AASDH: variants seen among roughly 807,000 people sequenced by gnomAD.
The protein encoded by AASDH is aminoadipate-semialdehyde dehydrogenase, also known as beta-alanine-activating enzyme.
AASDH carries 81 observed loss-of-function variants against 102.3 expected under a neutral mutation model. That is an observed-to-expected ratio of 0.79 (90% CI 0.66 to 0.95). The LOEUF is 0.95. Ranked by LOEUF, AASDH falls within the 40% of genes least tolerant of loss-of-function variation. The pLI is 0.00. For missense variants in AASDH, 1,203 were observed against 1,266.2 expected, an observed-to-expected ratio of 0.95 and a Z score of 0.76; for synonymous variants, 398 against 454.0, an observed-to-expected ratio of 0.88 and a Z score of 1.57.
At position 56,377,596 on chromosome 4, in the gene AASDH, C is replaced by T. The variant is rs559304821; in HGVS notation, c.668+552G>A. Among the ~76,000 whole-genome samples, 33 of 152,268 alleles carry T rather than the reference C, an allele frequency of 2.2e-4. 1 individual carries two copies. Among genetic ancestry groups the T allele is most frequent in the African/African-American group, 7.9e-4 (33 of 41,546 alleles). ...TCCCTTTTTATTAATAATTAAGATG[C>T]AAAGCTTCTAATCATATCATTTGTT... On this transcript the variant is annotated intron_variant, in intron 4 of 14. Transcript: ENST00000205214.
rs776967660 is a variant in AASDH at position 56,371,643 on chromosome 4, C to T, written c.669G>A (p.Arg223=). The change falls in exon 5 of 15, where the codon CGG becomes CGA. Residue 223 remains arginine, a splice_region_variant and synonymous_variant. Coordinates refer to ENST00000205214, the MANE Select transcript of AASDH (RefSeq NM_181806.4). ...KCIVPNIQHF[R]VLFDITQEDV... is the part of the protein sequence containing the mutation. ...CTTCTTGTGTGATGTCAAAAAGTAC[C>T]CTAAGGCAAAACAGAATGCAGTTAT... 6.3e-7 allele frequency: 1 copy of T among 1,599,532 alleles called. No homozygotes were observed. Among genetic ancestry groups the T allele is most frequent in the South Asian group, 1.1e-5 (1 of 87,810 alleles).
chr4:56,365,854 A>C (rs1429016647), intron 5 of AASDH, among the ~76,000 whole-genome samples: 1 of 152,234 alleles, frequency 6.6e-6, no homozygotes, highest in African/African-American at 2.4e-5. Flanking sequence ...GCAGAAGGCA[A>C]GAAATAACTA....
intron 5 of AASDH, among the ~76,000 whole-genome samples, chr4:56,358,197 A>G (rs1007281074): frequency 6.6e-6 from 1 of 151,962 alleles, no homozygotes; most frequent in African/African-American, 2.4e-5. Flanking sequence ...TTGATCTTCT[A>G]TCCTCCAACC....
chr4:56,373,384 C>G (rs1751968965), intron 4 of AASDH, among the ~76,000 whole-genome samples: 1 of 152,064 alleles, frequency 6.6e-6, no homozygotes, highest in South Asian at 2.1e-4. Context: ...CTCAAATGAT[C>G]CACCCACCTC....
intron 12 of AASDH, among the ~76,000 whole-genome samples, chr4:56,344,143 G>A (rs2109851637): frequency 6.6e-6 from 1 of 152,144 alleles, no homozygotes; most frequent in African/African-American, 2.4e-5. Flanking sequence ...AAACAACTTA[G>A]AAATAGGCAT....
At chr4:56,357,375 AT>A in intron 5 of AASDH, among the ~76,000 whole-genome samples, 1 of 152,276 alleles carries the variant, frequency 6.6e-6, no homozygotes, top group Non-Finnish European at 1.5e-5. Context: ...AATCTCATTC[AT>A]GAGGTTCCCA....
At chr4:56,360,140 T>C (rs1750127100) in intron 5 of AASDH, among the ~76,000 whole-genome samples, 1 of 152,212 alleles carries the variant, frequency 6.6e-6, no homozygotes, top group South Asian at 2.1e-4. Context: ...GTTCAGGTCA[T>C]TTTCAAGCCT....
intron 5 of AASDH, among the ~76,000 whole-genome samples, chr4:56,370,632 A>G (rs1751580662): frequency 6.6e-6 from 1 of 152,122 alleles, no homozygotes; most frequent in Non-Finnish European, 1.5e-5. Flanking sequence ...TCTCCTGATG[A>G]CTTAATCTTG....
At chr4:56,382,685 T>C (rs1316156635) in intron 2 of AASDH, 88 bp from the exon 3 acceptor site, 40 of 1,457,184 alleles carry the variant, frequency 2.7e-5, no homozygotes, top group Non-Finnish European at 3.5e-5. Context: ...ACTTTATTTA[T>C]TTTTTGTAGC....
In AASDH at chr4:56,384,128, T is replaced by C. The variant is rs1308695209; in HGVS notation, c.172A>G (p.Ile58Val). ...TGGCAGTAGAGACCAATTTCCCGAA[T>C]TCCTTGAAAGTCACAGTGTAACAGC... ...FLLLHCDFQGIREIGLYCQPG... is the reference protein window; with the variant it reads ...FLLLHCDFQGVREIGLYCQPG... Residue 58 changes from isoleucine (I) to valine (V), a missense_variant, in exon 2 of 15, where the codon ATT becomes GTT. Physicochemically the swap from Ile to Val is conservative, Grantham distance 29. Transcript: ENST00000205214. The C allele has an allele frequency of 6.2e-7, 1 of 1,614,046 alleles. No homozygotes were observed. Among genetic ancestry groups the C allele is most frequent in the Non-Finnish European group, 8.5e-7 (1 of 1,180,020 alleles).
At position 56,342,984 on chromosome 4, in the gene AASDH, A is replaced by G. The variant is rs1560563815; in HGVS notation, c.2776-18T>C. 6.4e-7 allele frequency: 1 copy of G among 1,554,774 alleles called. No homozygotes were observed. ...CCAGTAGCCTGTCACAGGAAAAAGCAATTCACAGCATTTTATGTCATCCTA... is the reference window on the plus strand; with the variant it reads ...CCAGTAGCCTGTCACAGGAAAAAGCGATTCACAGCATTTTATGTCATCCTA... On this transcript the variant is annotated intron_variant, in intron 13 of 14. Transcript: ENST00000205214.
chr4:56,367,064 T>G (rs1348584724), intron 5 of AASDH, among the ~76,000 whole-genome samples: 3 of 151,926 alleles, frequency 2.0e-5, no homozygotes, highest in African/African-American at 7.2e-5. Flanking sequence ...ACAAGCATTC[T>G]TATACACCAA....
intron 5 of AASDH, among the ~76,000 whole-genome samples, chr4:56,362,259 T>TTTTG (rs1553929850): frequency 2.6e-5 from 4 of 152,068 alleles, no homozygotes; most frequent in African/African-American, 7.2e-5. Flanking sequence ...ACAGCTTTTT[T>TTTTG]TTTCTTTGTT....
chr4:56,344,581 C>G (rs1748102671), intron 12 of AASDH, among the ~76,000 whole-genome samples: 1 of 151,758 alleles, frequency 6.6e-6, no homozygotes. Context: ...AAAAATTTTC[C>G]CAGCTTAATT....
At chr4:56,381,646 T>TTCTC (rs34032296) in intron 3 of AASDH, 3 of 52,370 alleles carry the variant, frequency 5.7e-5, no homozygotes, top group African/African-American at 1.9e-4. Flanking sequence ...TTCTTGACAC[T>TTCTC]TCTCACACAC....
At chr4:56,377,023 C>T (rs1270958158) in intron 4 of AASDH, among the ~76,000 whole-genome samples, 1 of 149,358 alleles carries the variant, frequency 6.7e-6, no homozygotes, top group African/African-American at 2.4e-5. Context: ...GCCGAGATCC[C>T]GCCACTGCAC....
Position 56,355,368 on chromosome 4 carries a change from A to G in AASDH, c.917T>C (p.Leu306Ser), listed in dbSNP as rs751775448. The part of the protein sequence containing the change: ...FGSQLIKSTV[L>S]SATTSLRVLA... ...TACTCGAAGAGAAGTAGTGGCTGACAAAACAGTTGACTTGATAAGCTGAGA... is the reference window on the plus strand; with the variant it reads ...TACTCGAAGAGAAGTAGTGGCTGACGAAACAGTTGACTTGATAAGCTGAGA... Residue 306 changes from leucine to serine, a missense_variant, in exon 6 of 15, where the codon TTG becomes TCG. Physicochemically the swap from Leu to Ser is moderately radical, Grantham distance 145 (BLOSUM62 -2). Transcript: ENST00000205214. 3 of 1,614,152 alleles carry G rather than the reference A, an allele frequency of 1.9e-6. No individual in the cohort carries two copies. Among genetic ancestry groups the G allele is most frequent in the Middle Eastern group, 1.6e-4 (1 of 6,062 alleles).
At chr4:56,384,669 C>T (rs1408470175) in intron 1 of AASDH, among the ~76,000 whole-genome samples, 1 of 151,916 alleles carries the variant, frequency 6.6e-6, no homozygotes, top group African/African-American at 2.4e-5. Context: ...AAAAATTAAT[C>T]AATAAAATCA....
At chr4:56,344,078 A>G (rs563977249) in intron 12 of AASDH, among the ~76,000 whole-genome samples, 119 of 152,324 alleles carry the variant, frequency 7.8e-4, no homozygotes, top group African/African-American at 2.6e-3. Context: ...ATGAACATAA[A>G]TAATTTCTCT....
Sources: allele counts gnomAD v4.1 joint callset (sites outside exome capture counted in the v4.1 genomes callset), GRCh38; gene constraint gnomAD v4.1.1; transcripts MANE v1.5; gene names NCBI Gene and HGNC (gene_info 2026-07-23, HGNC 2026-07-21).